Variants in R3HDM2 observed in about 807,000 individuals in gnomAD.
R3HDM2 encodes the protein R3H domain containing 2.
A neutral mutation model predicts 124.5 loss-of-function variants in R3HDM2; 38 were observed. The observed-to-expected ratio is 0.31, with a 90% confidence interval of 0.24 to 0.40. The LOEUF is 0.40. R3HDM2 is among the 10% of genes least tolerant of loss of function. R3HDM2 has a pLI of 1.00. For missense variants in R3HDM2, 869 were observed against 1,236.9 expected, an observed-to-expected ratio of 0.70 and a Z score of 4.46; for synonymous variants, 391 against 448.0, an observed-to-expected ratio of 0.87 and a Z score of 1.61.
Position 57,395,800 on chromosome 12 carries a change from T to C in R3HDM2, c.-87A>G, listed in dbSNP as rs893434708. On this transcript the variant is annotated 5_prime_UTR_variant, in exon 2 of 24. Coordinates refer to ENST00000402412, the MANE Select transcript of R3HDM2 (RefSeq NM_001394031.1). ...TCCAGTGCTGGAATGGCATCACATA[T>C]AAGAAACAAGTCTAACCTCTGGGGG... 3.1e-6 allele frequency: 3 copies of C among 983,348 alleles called. No individual in the cohort carries two copies. In the African/African-American group the frequency reaches 5.3e-5, roughly 17 times the overall value. 60.9% of individuals were successfully genotyped at this position (983,348 alleles called of 1,614,324 possible).
At chr12:57,349,686 G>A (rs1162219369) in intron 2 of R3HDM2, among the ~76,000 whole-genome samples, 1 of 150,678 alleles carries the variant, frequency 6.6e-6, no homozygotes, top group Admixed American at 6.6e-5. Flanking sequence ...TCAGCCTCCC[G>A]AGTAGCTGGG....
chr12:57,303,359 G>T (rs1216536687), intron 3 of R3HDM2, 142 bp from the exon 4 acceptor site: 2 of 716,034 alleles, frequency 2.8e-6, no homozygotes, highest in African/African-American at 1.8e-5. Flanking sequence ...CTTGATGTGG[G>T]TTTCTCCCTA....
chr12:57,310,319 C>T lies in R3HDM2; in HGVS notation c.110G>A (p.Ser37Asn), dbSNP rs1172500980. ...NKNKFISKTP[S>N]KEEIEKECED... ...ACATTCTTTCTCAATTTCTTCCTTA[C>T]TTGGAGTCTTAGATATAAACTTGTT... Residue 37 changes from serine to asparagine, a missense_variant, in exon 3 of 24, where the codon AGT (serine) becomes AAT (asparagine). By Grantham distance (46) the Ser-to-Asn change is conservative. Coordinates refer to ENST00000402412, the MANE Select transcript of R3HDM2 (RefSeq NM_001394031.1). The T allele has an allele frequency of 1.9e-6, 3 of 1,548,004 alleles. No homozygotes were observed. The African/African-American group carries it at 4.1e-5, about 21-fold the overall frequency.
chr12:57,384,038 T>C (rs145249220), intron 2 of R3HDM2, among the ~76,000 whole-genome samples: 1,537 of 152,198 alleles, frequency 0.01, 18 homozygotes, highest in African/African-American at 0.036. Flanking sequence ...CCTGATCCTC[T>C]AGGATAAGTA....
chr12:57,374,576 G>A (rs751574314), intron 2 of R3HDM2, among the ~76,000 whole-genome samples: 12 of 150,318 alleles, frequency 8.0e-5, no homozygotes, highest in Middle Eastern at 6.9e-3. Context: ...CCAGCTACTT[G>A]GGAGGCTGAG....
intron 1 of R3HDM2, among the ~76,000 whole-genome samples, chr12:57,428,458 GTC>G (rs1377547507): frequency 7.3e-6 from 1 of 136,814 alleles, no homozygotes; most frequent in Non-Finnish European, 1.5e-5. Flanking sequence ...AGTGAAACCC[GTC>G]TCTACTAAAA....
chr12:57,419,988 A>T (rs971720002), intron 1 of R3HDM2, among the ~76,000 whole-genome samples: 32 of 152,132 alleles, frequency 2.1e-4, no homozygotes, highest in Non-Finnish European at 1.0e-4. Context: ...AGTCTCCTAC[A>T]TCACAAGTAA....
chr12:57,429,774 G>C (rs1176244923), intron 1 of R3HDM2, among the ~76,000 whole-genome samples: 1 of 141,220 alleles, frequency 7.1e-6, no homozygotes, highest in East Asian at 2.5e-4. Context: ...GCGGGGGTGG[G>C]GGGGGAATAT....
chr12:57,386,084 TAA>T (rs1315439934), intron 2 of R3HDM2, among the ~76,000 whole-genome samples: 2 of 152,256 alleles, frequency 1.3e-5, no homozygotes, highest in African/African-American at 2.4e-5. Context: ...TGCTGTTTTG[TAA>T]AAAGTTATTT....
intron 14 of R3HDM2, among the ~76,000 whole-genome samples, chr12:57,274,304 T>A (rs536848101): frequency 6.6e-6 from 1 of 152,128 alleles, no homozygotes; most frequent in Non-Finnish European, 1.5e-5. Context: ...TGAAACCCCA[T>A]TTCTACTAAA....
chr12:57,382,227 A>T lies in R3HDM2; in HGVS notation c.-36+13522T>A, dbSNP rs113677936. ...CCTCCTAGGCTCAAGAGATCCTCCT[A>T]CCTCAGTCTCCCAAATACCTGGGAC... On this transcript the variant is annotated intron_variant, in intron 2 of 23. Coordinates refer to ENST00000402412, the MANE Select transcript of R3HDM2 (RefSeq NM_001394031.1). Among the ~76,000 whole-genome samples the T allele has an allele frequency of 9.5e-4, 143 of 150,760 alleles. 1 individual carries two copies. Among genetic ancestry groups the T allele is most frequent in the Non-Finnish European group, 1.0e-3 (68 of 67,816 alleles).
At chr12:57,426,209 C>G (rs1054994160) in intron 1 of R3HDM2, among the ~76,000 whole-genome samples, 2 of 152,054 alleles carry the variant, frequency 1.3e-5, no homozygotes, top group African/African-American at 4.8e-5. Context: ...GCTTGGGCGA[C>G]AGAGCGAGAC....
intron 2 of R3HDM2, among the ~76,000 whole-genome samples, chr12:57,392,501 C>T (rs553082542): frequency 2.3e-4 from 35 of 152,224 alleles, no homozygotes; most frequent in African/African-American, 7.7e-4. Flanking sequence ...ACTCGCCTGC[C>T]GCTTACCTCT....
intron 1 of R3HDM2, among the ~76,000 whole-genome samples, chr12:57,412,902 A>G (rs1225977200): frequency 1.3e-5 from 2 of 152,280 alleles, no homozygotes; most frequent in East Asian, 3.9e-4. Flanking sequence ...CTGTAATCCC[A>G]GTACTTTGGG....
intron 2 of R3HDM2, among the ~76,000 whole-genome samples, chr12:57,394,162 TG>T (rs1437710887): frequency 6.6e-6 from 1 of 151,492 alleles, no homozygotes; most frequent in Non-Finnish European, 1.5e-5. Context: ...CCAGGTGTGG[TG>T]GCATACACCT....
chr12:57,366,856 A>AT (rs1047868452), intron 2 of R3HDM2, among the ~76,000 whole-genome samples: 10 of 151,508 alleles, frequency 6.6e-5, no homozygotes, highest in African/African-American at 2.2e-4. Context: ...CGCCCAGGTA[A>AT]TTTTTTTGTA....
intron 2 of R3HDM2, among the ~76,000 whole-genome samples, chr12:57,361,048 CAAA>C (rs35437591): frequency 1.7e-5 from 1 of 60,040 alleles, no homozygotes; most frequent in Admixed American, 2.6e-4. Flanking sequence ...AGACACGTCT[CAAA>C]AAAAAAAAAA....
At chr12:57,381,361 G>A (rs2064841606) in intron 2 of R3HDM2, among the ~76,000 whole-genome samples, 1 of 152,022 alleles carries the variant, frequency 6.6e-6, no homozygotes, top group Non-Finnish European at 1.5e-5. Flanking sequence ...AGACCAGCCT[G>A]GCCAACATGG....
intron 12 of R3HDM2, among the ~76,000 whole-genome samples, chr12:57,286,654 G>T (rs1592757572): frequency 6.6e-6 from 1 of 152,102 alleles, no homozygotes; most frequent in East Asian, 1.9e-4. Flanking sequence ...GGCTGAGGTG[G>T]GTGGATCACC....
Sources: gnomAD v4.1 joint callset for allele counts (sites outside exome capture counted in the v4.1 genomes callset) on GRCh38, gnomAD v4.1.1 for gene constraint, MANE v1.5 for transcripts, NCBI Gene and HGNC (gene_info 2026-07-23, HGNC 2026-07-21) for gene names.